The following PALS2 variants were observed in gnomAD, a reference collection of about 807,000 sequenced individuals.
PALS2 encodes the protein protein PALS2.
In PALS2, 27 loss-of-function variants were observed where a neutral mutation model predicts 61.6. The ratio of observed to expected loss-of-function variants is 0.44; its 90% CI spans 0.32 to 0.60. The LOEUF is 0.60. Among genes scored for constraint, PALS2 ranks in the 20% least tolerant of loss-of-function variants. PALS2 has a pLI of 0.05. For missense variants in PALS2, 554 were observed against 639.4 expected (o/e 0.87, Z 1.44); for synonymous variants, 236 against 218.6 (o/e 1.08, Z -0.70).
In PALS2 at chr7:24,593,515, G is replaced by A. The variant is rs186632716; in HGVS notation, c.-3+19922G>A. Among the ~76,000 whole-genome samples the A allele has an allele frequency of 7.9e-5, 12 of 152,154 alleles. 1 individual carries two copies. The highest frequency in any genetic ancestry group is 6.2e-4 in the South Asian group (3 of 4,818). ...GGAATCACTATCTATGGCAGCTATCGTCTTATGAGATGTATTTCTTAAATA... is the reference window on the plus strand; with the variant it reads ...GGAATCACTATCTATGGCAGCTATCATCTTATGAGATGTATTTCTTAAATA... On this transcript the variant is annotated intron_variant, in intron 1 of 11. Coordinates refer to ENST00000222644, the MANE Select transcript of PALS2 (RefSeq NM_001303037.2).
chr7:24,669,585 C>T (rs1167351366), intron 9 of PALS2, among the ~76,000 whole-genome samples: 1 of 152,168 alleles, frequency 6.6e-6, no homozygotes, highest in African/African-American at 2.4e-5. Flanking sequence ...TATATTAATG[C>T]CTTTAAGCTA....
chr7:24,580,925 T>C (rs554121752), intron 1 of PALS2, among the ~76,000 whole-genome samples: 47 of 152,362 alleles, frequency 3.1e-4, no homozygotes, highest in African/African-American at 1.1e-3. Flanking sequence ...TTTAAAATTA[T>C]GTTTTTTAAG....
At chr7:24,623,067 A>G (rs1043924610) in intron 1 of PALS2, among the ~76,000 whole-genome samples, 1 of 151,784 alleles carries the variant, frequency 6.6e-6, no homozygotes, top group East Asian at 1.9e-4. Flanking sequence ...TGGATTCAGT[A>G]TTTTGTTTAA....
chr7:24,596,732 T>G lies in PALS2; in HGVS notation c.-3+23139T>G, dbSNP rs1033574493. ...AAGGAAAAAAAGGACTCTCCGTATA[T>G]CTAGCTTTCTCCTGTGTGAGCACTA... On this transcript the variant is annotated intron_variant, in intron 1 of 11. Coordinates refer to ENST00000222644, the MANE Select transcript of PALS2 (RefSeq NM_001303037.2). This position sits in a 1 kb window ranked among gnomAD's most constrained non-coding sequence, Gnocchi z 4.5. Among the ~76,000 whole-genome samples the G allele has an allele frequency of 2.0e-5, 3 of 152,184 alleles. No homozygotes were observed. Among genetic ancestry groups the G allele is most frequent in the Non-Finnish European group, 4.4e-5 (3 of 68,028 alleles).
At chr7:24,631,041 CTTAG>C (rs1294818835) in intron 2 of PALS2, among the ~76,000 whole-genome samples, 1 of 152,188 alleles carries the variant, frequency 6.6e-6, no homozygotes, top group Non-Finnish European at 1.5e-5. Flanking sequence ...ACTTTCAAGT[CTTAG>C]TTAAATACAT....
chr7:24,647,708 A>C (rs894885607), intron 3 of PALS2, among the ~76,000 whole-genome samples: 1 of 152,206 alleles, frequency 6.6e-6, no homozygotes. Flanking sequence ...ACTAAGTTTC[A>C]AAGTGAAGAG....
chr7:24,646,258 T>C (rs1390051134), intron 3 of PALS2, among the ~76,000 whole-genome samples: 1 of 152,186 alleles, frequency 6.6e-6, no homozygotes, highest in Non-Finnish European at 1.5e-5. Context: ...CTTCCAGCTT[T>C]TGCCCATTCA....
At chr7:24,636,050 A>G (rs950882069) in intron 2 of PALS2, among the ~76,000 whole-genome samples, 2 of 151,940 alleles carry the variant, frequency 1.3e-5, no homozygotes, top group Non-Finnish European at 2.9e-5. Context: ...TGTCTCTACT[A>G]AAAATACAAA....
At chr7:24,605,451 A>G (rs968535085) in intron 1 of PALS2, among the ~76,000 whole-genome samples, 1 of 152,168 alleles carries the variant, frequency 6.6e-6, no homozygotes, top group Non-Finnish European at 1.5e-5. Flanking sequence ...TAAGTTTCAT[A>G]TATCACTGAT....
At chr7:24,669,120 G>C (rs1005351665) in intron 9 of PALS2, among the ~76,000 whole-genome samples, 19 of 152,186 alleles carry the variant, frequency 1.2e-4, no homozygotes, top group Non-Finnish European at 2.4e-4. Context: ...TCATAAACCT[G>C]ATTTTTGATA....
chr7:24,624,605 C>CTTT (rs368160704), intron 2 of PALS2, among the ~76,000 whole-genome samples: 14 of 86,350 alleles, frequency 1.6e-4, no homozygotes, highest in Non-Finnish European at 2.6e-4. Context: ...GCAGATTCTT[C>CTTT]TTTTTTTTTT....
intron 1 of PALS2, among the ~76,000 whole-genome samples, chr7:24,595,700 A>C (rs1385958233): frequency 2.0e-5 from 3 of 150,540 alleles, no homozygotes; most frequent in Non-Finnish European, 4.4e-5. Flanking sequence ...AAATAATTTC[A>C]GATGAGTACT....
Position 24,596,605 on chromosome 7 carries a change from T to G in PALS2, c.-3+23012T>G, listed in dbSNP as rs1293343733. On this transcript the variant is annotated intron_variant, in intron 1 of 11. Coordinates refer to ENST00000222644, the MANE Select transcript of PALS2 (RefSeq NM_001303037.2). The surrounding 1 kb of genome is among the most constrained non-coding windows in gnomAD (Gnocchi z 4.5). ...TAAAATAATGAAGTTTTGACTTGCT[T>G]TGTTAATTAGTGGTTGGGTGAATAA... Among the ~76,000 whole-genome samples the G allele has an allele frequency of 6.6e-6, 1 of 152,184 alleles. No homozygotes were observed. The highest frequency in any genetic ancestry group is 2.4e-5 in the African/African-American group (1 of 41,458).
intron 2 of PALS2, among the ~76,000 whole-genome samples, chr7:24,640,303 G>C (rs188950417): frequency 5.3e-5 from 8 of 151,248 alleles, no homozygotes; most frequent in Non-Finnish European, 5.9e-5. Flanking sequence ...TTCCACTTAA[G>C]AACTTATTTT....
intron 1 of PALS2, among the ~76,000 whole-genome samples, chr7:24,621,421 T>C (rs978151554): frequency 2.0e-5 from 3 of 152,120 alleles, no homozygotes; most frequent in African/African-American, 7.2e-5. Flanking sequence ...TTGGAACATT[T>C]GGAAAAAACT....
intron 5 of PALS2, among the ~76,000 whole-genome samples, chr7:24,656,574 T>G (rs1786427854): frequency 6.6e-6 from 1 of 152,034 alleles, no homozygotes; most frequent in South Asian, 2.1e-4. Flanking sequence ...CAGGCTGGAG[T>G]GCAGTGACAT....
intron 2 of PALS2, among the ~76,000 whole-genome samples, chr7:24,629,670 T>G (rs970469593): frequency 2.0e-5 from 3 of 152,074 alleles, no homozygotes; most frequent in Admixed American, 6.6e-5. Flanking sequence ...GGGCAAAGGA[T>G]ATGAACAGAC....
chr7:24,579,657 T>A (rs899370776), intron 1 of PALS2, among the ~76,000 whole-genome samples: 1 of 152,164 alleles, frequency 6.6e-6, no homozygotes, highest in Non-Finnish European at 1.5e-5. Flanking sequence ...CCCAGCACTT[T>A]GTTACCTACT....
intron 1 of PALS2, among the ~76,000 whole-genome samples, chr7:24,590,782 CAGTACCTACTTACT>C (rs1227031855): frequency 2.6e-5 from 4 of 151,608 alleles, no homozygotes; most frequent in Non-Finnish European, 5.9e-5. Context: ...GTCATAACTT[CAGTACCTACTTACT>C]AGTTTGTTTT....
Sources: gnomAD v4.1 joint callset for allele counts (sites outside exome capture counted in the v4.1 genomes callset) on GRCh38, gnomAD v4.1.1 for gene constraint, Gnocchi (gnomAD v3.1) non-coding constraint, MANE v1.5 for transcripts, NCBI Gene and HGNC (gene_info 2026-07-23, HGNC 2026-07-21) for gene names.